Variants in PRDM4 observed in about 807,000 individuals in gnomAD.
The protein encoded by PRDM4 is PR/SET domain 4, also known as PR domain zinc finger protein 4.
Under a neutral mutation model 62.3 loss-of-function variants are expected in PRDM4, and 38 were observed. The observed-to-expected ratio is 0.61, with a 90% CI of 0.47 to 0.80. The LOEUF is 0.80. Among genes scored for constraint, PRDM4 ranks in the 30% least tolerant of loss-of-function variants. The pLI is 0.00. For synonymous variants in PRDM4, 339 were observed against 348.2 expected (o/e 0.97, Z 0.30); for missense variants, 858 against 997.1 (o/e 0.86, Z 1.88).
intron 5 of PRDM4, 39 bp downstream of exon 5, chr12:107,751,376 T>C: frequency 1.3e-6 from 2 of 1,553,582 alleles, no homozygotes; most frequent in South Asian, 1.2e-5. Flanking sequence ...TGGCCCTTTT[T>C]ACAAATATTT....
At position 107,753,853 on chromosome 12, in the gene PRDM4, T is replaced by C. The variant is rs1370532889; in HGVS notation, c.331+71A>G. ...CAAACAGAAAAAAGTGTTATTCATA[T>C]CTTCAGGATAAAAGTTTAAAAGCTG... is the stretch of plus-strand genomic sequence containing the variant. On this transcript the variant is annotated intron_variant, in intron 4 of 11. Transcript: ENST00000228437. The C allele has an allele frequency of 3.6e-6, 5 of 1,396,504 alleles. 1 individual carries two copies. The South Asian group carries it at 5.6e-5, about 16-fold the overall frequency. The allele number at this position is 1,396,504 out of a possible 1,614,324, so 86.5% of individuals were successfully genotyped here.
At chr12:107,741,332 T>C (rs959985872) in intron 9 of PRDM4, 72 bp from the exon 10 acceptor site, 3 of 1,338,758 alleles carry the variant, frequency 2.2e-6, no homozygotes, top group Non-Finnish European at 3.1e-6. Flanking sequence ...TTAACAATCA[T>C]TGCTTCCAGT....
intron 11 of PRDM4, 183 bp downstream of exon 11, chr12:107,739,200 A>G (rs1890435570): frequency 5.4e-6 from 3 of 554,758 alleles, no homozygotes; most frequent in African/African-American, 1.9e-5. Context: ...ATCTTCCAGG[A>G]TAACACCAAA....
chr12:107,736,583 G>A (rs992404092), intron 11 of PRDM4: 11 of 152,182 alleles, frequency 7.2e-5, no homozygotes, highest in African/African-American at 2.7e-4. Context: ...GCTGTAAAAA[G>A]CTTTTAACAC....
At chr12:107,755,254 G>A (rs894106210) in intron 3 of PRDM4, among the ~76,000 whole-genome samples, 5 of 151,730 alleles carry the variant, frequency 3.3e-5, no homozygotes, top group African/African-American at 4.8e-5. Flanking sequence ...GCCACCATGC[G>A]CTGCTAATTT....
chr12:107,755,684 C>G (rs1390760606), intron 3 of PRDM4, among the ~76,000 whole-genome samples: 2 of 152,108 alleles, frequency 1.3e-5, no homozygotes, highest in African/African-American at 4.8e-5. Context: ...GTCATTGATC[C>G]TAAAGAACTG....
chr12:107,741,730 T>C (rs1186344288), intron 9 of PRDM4, among the ~76,000 whole-genome samples: 1 of 152,036 alleles, frequency 6.6e-6, no homozygotes, highest in Non-Finnish European at 1.5e-5. Flanking sequence ...CACACATACA[T>C]AAGTAAAATA....
chr12:107,751,490 A>G lies in PRDM4; in HGVS notation c.1051T>C (p.Ser351Pro). ...GHVDVSSDSLSFVSPSLQMED... is the reference protein window; with the variant it reads ...GHVDVSSDSLPFVSPSLQMED... ...ATTTGCAGTGAAGGTGATACAAAAG[A>G]AAGACTGTCTGAAGATACATCTACA... is the stretch of plus-strand genomic sequence containing the variant. Residue 351 changes from serine (S) to proline (P), a missense_variant, in exon 5 of 12, where the codon TCT becomes CCT. Coordinates refer to ENST00000228437, the MANE Select transcript of PRDM4 (RefSeq NM_012406.4). 1 of 1,614,030 alleles carries G rather than the reference A, an allele frequency of 6.2e-7. No homozygotes were observed. Among genetic ancestry groups the G allele is most frequent in the Non-Finnish European group, 8.5e-7 (1 of 1,179,872 alleles).
intron 11 of PRDM4, chr12:107,738,236 T>C (rs1890398733): frequency 6.6e-6 from 1 of 152,196 alleles, no homozygotes; most frequent in South Asian, 2.1e-4. Flanking sequence ...GGGATCTCTT[T>C]TGGCTCCAAT....
rs1412950057 is a variant in PRDM4, at chr12:107,752,104, G to A, written c.437C>T (p.Ala146Val). 3.1e-6 allele frequency: 5 copies of A among 1,609,452 alleles called. No individual in the cohort carries two copies. Among genetic ancestry groups the A allele is most frequent in the Non-Finnish European group, 4.3e-6 (5 of 1,175,848 alleles). The stretch of plus-strand genomic sequence containing the variant: ...TCCATTGGACTGATAGGGATCTAGT[G>A]CTGAAGGGTTATTGGTGATAGATAA... ...TALSITNNPSALDPYQSNGNV... is the reference protein window; with the variant it reads ...TALSITNNPSVLDPYQSNGNV... The change falls in exon 5 of 12, where the codon GCA becomes GTA. Residue 146 changes from alanine (A) to valine (V), a missense_variant. Ala to Val is a moderately conservative substitution (Grantham distance 64). Coordinates refer to ENST00000228437, the MANE Select transcript of PRDM4 (RefSeq NM_012406.4).
chr12:107,752,092 T>C lies in PRDM4; in HGVS notation c.449A>G (p.Tyr150Cys). The change falls in exon 5 of 12, where the codon TAT becomes TGT. Residue 150 changes from tyrosine (Y) to cysteine (C), a missense_variant. This residue lies in a region of PRDM4 where 499 missense variants were observed against 546.7 expected (regional missense o/e 0.91). Coordinates refer to ENST00000228437, the MANE Select transcript of PRDM4 (RefSeq NM_012406.4). ...TAATCCAACATTTCCATTGGACTGA[T>C]AGGGATCTAGTGCTGAAGGGTTATT... ...ITNNPSALDP[Y>C]QSNGNVGLEP... 2 of 1,612,798 alleles carry C rather than the reference T, an allele frequency of 1.2e-6. No homozygotes were observed. Among genetic ancestry groups the C allele is most frequent in the Non-Finnish European group, 8.5e-7 (1 of 1,178,784 alleles).
Position 107,760,775 on chromosome 12 carries a change from G to T in PRDM4, c.-256-4C>A. 1 of 501,520 alleles carries T rather than the reference G, an allele frequency of 2.0e-6. No homozygotes were observed. The highest frequency in any genetic ancestry group is 3.6e-6 in the Non-Finnish European group (1 of 279,150). 31.1% of individuals were successfully genotyped at this position (501,520 alleles called of 1,614,324 possible). On this transcript the variant is annotated splice_region_variant and splice_polypyrimidine_tract_variant and intron_variant, in intron 1 of 11. Coordinates refer to ENST00000228437, the MANE Select transcript of PRDM4 (RefSeq NM_012406.4). ...TTCGGGAAGGGGGCTGCCCAACCTGGGGGAGTGGGGACAAGAGCGGTCACC... is the reference window on the plus strand; with the variant it reads ...TTCGGGAAGGGGGCTGCCCAACCTGTGGGAGTGGGGACAAGAGCGGTCACC...
Position 107,743,280 on chromosome 12 carries a change from T to C in PRDM4, c.1398A>G (p.Ile466Met), listed in dbSNP as rs753415760. 2.5e-6 allele frequency: 4 copies of C among 1,607,932 alleles called. No individual in the cohort carries two copies. In the Admixed American group the frequency reaches 5.0e-5, roughly 20 times the overall value. ...TDKAVNHIWKIYHNGVLEFCI... is the reference protein window; with the variant it reads ...TDKAVNHIWKMYHNGVLEFCI... ...AGAATTCTAGGACACCATTGTGGTA[T>C]ATCTGCCAACAGAAAGCAAGCACAC... is the stretch of plus-strand genomic sequence containing the variant. The change falls in exon 8 of 12, where the codon ATA becomes ATG. Residue 466 changes from isoleucine (I) to methionine (M), a missense_variant and splice_region_variant. Physicochemically the swap from Ile to Met is conservative, Grantham distance 10. Around this residue, in one of 3 missense-constraint regions of PRDM4, gnomAD observed 355 missense variants for 432.6 expected, o/e 0.82. Transcript: ENST00000228437.
chr12:107,746,381 T>C lies in PRDM4; in HGVS notation c.1170A>G (p.Glu390=). Residue 390 remains glutamate, a synonymous_variant, in exon 6 of 12, where the codon GAA becomes GAG. Transcript: ENST00000228437. ...CDRAYPSDCP[E]HGPVTFVPDT... is the part of the protein sequence containing the mutation. ...CAGGAACAAAAGTCACTGGTCCATG[T>C]TCGGGACAGTCCGAGGGATAGGCGC... 2 of 1,613,450 alleles carry C rather than the reference T, an allele frequency of 1.2e-6. No homozygotes were observed. Among genetic ancestry groups the C allele is most frequent in the Non-Finnish European group, 8.5e-7 (1 of 1,179,574 alleles).
Position 107,733,551 on chromosome 12 carries a change from A to T in PRDM4, c.*659T>A, listed in dbSNP as rs898380957. On this transcript the variant is annotated 3_prime_UTR_variant, in exon 12 of 12. Coordinates refer to ENST00000228437, the MANE Select transcript of PRDM4 (RefSeq NM_012406.4). ...CTAATTTCTTGGGCAGAGGCCAGGC[A>T]TCTCTCCTCTTGTTCTCTCCATCAC... 6.6e-6 allele frequency: 1 copy of T among 152,338 alleles called. No individual in the cohort carries two copies. Among genetic ancestry groups the T allele is most frequent in the Non-Finnish European group, 1.5e-5 (1 of 68,154 alleles). 9.4% of individuals were successfully genotyped at this position (152,338 alleles called of 1,614,324 possible).
chr12:107,744,520 A>C, intron 7 of PRDM4, 23 bp downstream of exon 7: 1 of 1,598,468 alleles, frequency 6.3e-7, no homozygotes, highest in Non-Finnish European at 8.6e-7. Context: ...CAAAAGCCAC[A>C]GAAAAGTTTC....
rs1291818945 is a variant in PRDM4, at chr12:107,740,967, TC to T, written c.1902del (p.Thr635ProfsTer78). The T allele has an allele frequency of 6.2e-7, 1 of 1,613,986 alleles. No homozygotes were observed. The highest frequency in any genetic ancestry group is 1.7e-5 in the Admixed American group (1 of 60,010). On this transcript the variant is annotated frameshift_variant, in exon 10 of 12. Transcript: ENST00000228437. LOFTEE classifies it high-confidence loss of function. ...TTACCTGTATGTATCTTGAGGTGGG[TC>T]CGCAGGTTGCTGGGATCACTAAAAG... ...SKAFSDPSNL[R>X]THLKIHTGQK...
At chr12:107,737,707 C>A (rs995694089) in intron 11 of PRDM4, among the ~76,000 whole-genome samples, 1 of 152,098 alleles carries the variant, frequency 6.6e-6, no homozygotes, top group Non-Finnish European at 1.5e-5. Context: ...ACTTGGGGAG[C>A]TTTTTAAAAT....
intron 6 of PRDM4, among the ~76,000 whole-genome samples, chr12:107,746,044 T>C (rs748499157): frequency 2.7e-4 from 41 of 152,254 alleles, no homozygotes; most frequent in Non-Finnish European, 5.4e-4. Flanking sequence ...TAGGATTTTT[T>C]GCTTTACTCA....
Sources: gnomAD v4.1 joint callset for allele counts (sites outside exome capture counted in the v4.1 genomes callset) on GRCh38, gnomAD v4.1.1 for gene constraint, gnomAD v4.1.1 regional missense constraint, MANE v1.5 for transcripts, NCBI Gene and HGNC (gene_info 2026-07-23, HGNC 2026-07-21) for gene names.